Variants in LTF observed in about 807,000 individuals in gnomAD.
LTF encodes lactotransferrin, also known as epididymis luminal protein 110.
In LTF, 91 loss-of-function variants were observed where a neutral mutation model predicts 87.2. The observed-to-expected ratio is 1.04, with a 90% CI of 0.88 to 1.24. LTF has a LOEUF of 1.24. Among genes scored for constraint, LTF ranks in the 50% most tolerant of loss-of-function variants. The pLI is 0.00. For missense variants in LTF, 901 were observed against 904.3 expected (o/e 1.00, Z 0.05); for synonymous variants, 378 against 356.1 (o/e 1.06, Z -0.69).
intron 1 of LTF, among the ~76,000 whole-genome samples, chr3:46,474,798 T>C (rs577980804): frequency 6.6e-6 from 1 of 152,302 alleles, no homozygotes; most frequent in African/African-American, 2.4e-5. Context: ...AGCAAAAAGA[T>C]AGCAGAGAAA....
chr3:46,458,120 T>C (rs1202641601), intron 2 of LTF, among the ~76,000 whole-genome samples: 2 of 152,186 alleles, frequency 1.3e-5, no homozygotes, highest in Non-Finnish European at 2.9e-5. Flanking sequence ...ATAGTAATCA[T>C]GTGTCAGAGC....
At chr3:46,449,370 G>A (rs1702740552) in intron 8 of LTF, among the ~76,000 whole-genome samples, 1 of 152,168 alleles carries the variant, frequency 6.6e-6, no homozygotes, top group Admixed American at 6.5e-5. Flanking sequence ...GGGACCTTGA[G>A]CCCAACCCTG....
intron 12 of LTF, among the ~76,000 whole-genome samples, chr3:46,443,878 G>A (rs7626288): frequency 0.17 from 26,542 of 152,190 alleles, 2,670 homozygotes; most frequent in East Asian, 0.45. Context: ...GCTCATGACC[G>A]TGATGGCTGT....
At chr3:46,447,253 A>C in intron 10 of LTF, 55 bp downstream of exon 10, 1 of 1,273,770 alleles carries the variant, frequency 7.9e-7, no homozygotes, top group South Asian at 1.2e-5. Flanking sequence ...GATTACTCAT[A>C]GCCCCACTCC....
chr3:46,453,670 G>A (rs904455917), intron 6 of LTF, among the ~76,000 whole-genome samples: 1 of 152,140 alleles, frequency 6.6e-6, no homozygotes, highest in African/African-American at 2.4e-5. Flanking sequence ...CACTAGTCCT[G>A]GGTGCAGTGT....
At chr3:46,451,010 C>T (rs539615182) in intron 6 of LTF, among the ~76,000 whole-genome samples, 15 of 152,306 alleles carry the variant, frequency 9.8e-5, no homozygotes, top group African/African-American at 3.1e-4. Flanking sequence ...CAGAGACAAG[C>T]TCAGGGGGCC....
chr3:46,471,002 T>C (rs1027188344), intron 1 of LTF, among the ~76,000 whole-genome samples: 3 of 152,132 alleles, frequency 2.0e-5, no homozygotes, highest in Non-Finnish European at 4.4e-5. Context: ...AGGTTCAGGG[T>C]TGAGCAGGAA....
At chr3:46,476,846 A>G (rs769943346) in intron 1 of LTF, among the ~76,000 whole-genome samples, 6 of 152,206 alleles carry the variant, frequency 3.9e-5, no homozygotes, top group Non-Finnish European at 8.8e-5. Flanking sequence ...TAGATTCTCC[A>G]ATGTTGTTCC....
At chr3:46,448,165 A>T (rs1405360400) in intron 9 of LTF, among the ~76,000 whole-genome samples, 1 of 152,090 alleles carries the variant, frequency 6.6e-6, no homozygotes, top group African/African-American at 2.4e-5. Context: ...GGAGTTCGAG[A>T]CGAGCCTGGG....
chr3:46,483,099 C>T (rs1000213888), intron 1 of LTF, among the ~76,000 whole-genome samples: 1 of 152,270 alleles, frequency 6.6e-6, no homozygotes, highest in Middle Eastern at 3.4e-3. Context: ...GAATGATATT[C>T]CACTGTTGTA....
chr3:46,458,426 G>A (rs779736080), intron 2 of LTF, among the ~76,000 whole-genome samples: 2 of 152,214 alleles, frequency 1.3e-5, no homozygotes, highest in African/African-American at 2.4e-5. Context: ...GATCAGACGC[G>A]TTCAGCGTGG....
intron 15 of LTF, 47 bp downstream of exon 15, chr3:46,439,249 A>G: frequency 2.6e-6 from 4 of 1,547,940 alleles, no homozygotes; most frequent in Non-Finnish European, 3.5e-6. Flanking sequence ...CTCACCTAAC[A>G]TGAGCCCACA....
intron 2 of LTF, chr3:46,470,298 ATG>A (rs1703266317): frequency 6.6e-6 from 1 of 152,322 alleles, no homozygotes; most frequent in Non-Finnish European, 1.5e-5. Flanking sequence ...AAGGCCAGCC[ATG>A]CAAATTTCTT....
intron 2 of LTF, 139 bp from the exon 3 acceptor site, chr3:46,456,537 T>G (rs1272797472): frequency 1.6e-6 from 1 of 630,778 alleles, no homozygotes. Flanking sequence ...CCTCACTTCC[T>G]ATGAGAGATG....
chr3:46,484,128 C>T (rs532341450), intron 1 of LTF, among the ~76,000 whole-genome samples: 1 of 152,150 alleles, frequency 6.6e-6, no homozygotes, highest in African/African-American at 2.4e-5. Context: ...AAATGTCAAC[C>T]CTTGTCAATG....
chr3:46,441,441 A>T lies in LTF; in HGVS notation c.1698T>A (p.Asp566Glu). ...ENAGDVAFVK[D>E]VTVLQNTDGN... ...CATCAGTGTTCTGCAAGACAGTGACATCTTTCACAAATGCAACGTCTCCAG... is the reference window on the plus strand; with the variant it reads ...CATCAGTGTTCTGCAAGACAGTGACTTCTTTCACAAATGCAACGTCTCCAG... The change falls in exon 14 of 17, where the codon GAT (aspartate) becomes GAA (glutamate). Residue 566 changes from aspartate (D) to glutamate (E), a missense_variant. Asp to Glu is a conservative substitution (Grantham distance 45). Coordinates refer to ENST00000231751, the MANE Select transcript of LTF (RefSeq NM_002343.6). The T allele has an allele frequency of 1.2e-6, 2 of 1,613,904 alleles. No individual in the cohort carries two copies. Among genetic ancestry groups the T allele is most frequent in the Non-Finnish European group, 1.7e-6 (2 of 1,179,914 alleles).
intron 13 of LTF, chr3:46,441,934 A>AGAGGGTGT (rs1456655226): frequency 3.4e-5 from 2 of 59,002 alleles, no homozygotes; most frequent in Admixed American, 2.1e-4. Flanking sequence ...AGAGAGAGAG[A>AGAGGGTGT]GTGTGTGTGT....
intron 13 of LTF, chr3:46,441,708 A>G: frequency 2.1e-6 from 1 of 474,588 alleles, no homozygotes; most frequent in South Asian, 3.3e-5. Flanking sequence ...AAATCTAAAG[A>G]TATGCGACCC....
intron 9 of LTF, 101 bp downstream of exon 9, chr3:46,448,762 C>T (rs563274592): frequency 1.4e-6 from 2 of 1,407,298 alleles, no homozygotes; most frequent in South Asian, 1.3e-5. Context: ...CTCACCCAGG[C>T]CCCCGTGGCC....
Sources: allele counts gnomAD v4.1 joint callset (sites outside exome capture counted in the v4.1 genomes callset), GRCh38; gene constraint gnomAD v4.1.1; transcripts MANE v1.5; gene names NCBI Gene and HGNC (gene_info 2026-07-23, HGNC 2026-07-21).